The following SERPING1 variants were observed in gnomAD, a reference collection of about 807,000 sequenced individuals.
SERPING1 encodes serpin family G member 1.
A neutral mutation model predicts 34.1 loss-of-function variants in SERPING1; 5 were observed. The ratio of observed to expected loss-of-function variants is 0.15; its 90% CI spans 0.08 to 0.31. The LOEUF (loss-of-function observed/expected upper bound fraction) is 0.31. SERPING1 is among the 10% of genes least tolerant of loss of function. SERPING1 has a pLI of 1.00. For missense variants in SERPING1, 505 were observed against 609.5 expected (o/e 0.83, Z 1.81); for synonymous variants, 225 against 242.4 (o/e 0.93, Z 0.67).
At chr11:57,602,592 TA>T (rs1246422202) in intron 4 of SERPING1, among the ~76,000 whole-genome samples, 71 of 151,080 alleles carry the variant, frequency 4.7e-4, no homozygotes, top group African/African-American at 1.6e-3. Context: ...CTGTCTCTAC[TA>T]AAAATACAAA....
At chr11:57,613,599 T>C (rs531571658) in intron 7 of SERPING1, among the ~76,000 whole-genome samples, 109 of 152,322 alleles carry the variant, frequency 7.2e-4, no homozygotes, top group Non-Finnish European at 1.4e-3. Flanking sequence ...GCATCTATCC[T>C]GTGGAGTTCT....
chr11:57,601,819 G>A (rs1015543679), intron 3 of SERPING1, among the ~76,000 whole-genome samples: 14 of 131,150 alleles, frequency 1.1e-4, no homozygotes, highest in Non-Finnish European at 2.0e-4. Flanking sequence ...TTGCACCACT[G>A]CATTCCAGCC....
intron 6 of SERPING1, chr11:57,611,383 A>C: frequency 2.5e-6 from 1 of 395,924 alleles, no homozygotes; most frequent in Non-Finnish European, 4.8e-6. Flanking sequence ...TGTGCATGCT[A>C]TATACTATAT....
Position 57,606,171 on chromosome 11 carries a change from T to C in SERPING1, c.847T>C (p.Ser283Pro). 2.5e-6 allele frequency: 4 copies of C among 1,614,162 alleles called. 1 individual carries two copies. In the South Asian group the frequency reaches 4.4e-5, roughly 18 times the overall value. Reference sequence around the variant, plus strand: ...CAGCCGGCTGCTAGACAGTCTGCCCTCCGATACCCGCCTTGTCCTCCTCAA... The same window carrying C: ...CAGCCGGCTGCTAGACAGTCTGCCCCCCGATACCCGCCTTGTCCTCCTCAA... ...KISRLLDSLP[S>P]DTRLVLLNAI... Residue 283 changes from serine to proline, a missense_variant, in exon 5 of 8, where the codon TCC becomes CCC. Ser to Pro is a moderately conservative substitution (Grantham distance 74, BLOSUM62 -1). Coordinates refer to ENST00000278407, the MANE Select transcript of SERPING1 (RefSeq NM_000062.3).
In SERPING1 at chr11:57,600,376, C is replaced by G. The variant is rs754842752; in HGVS notation, c.549C>G (p.Leu183=). Reference sequence around the variant, plus strand: ...CCAGCCTCCTTACCCAGGTCCTGCTCGGTAAGACCCTGCTTGAATTCTCTC... The same window carrying G: ...CCAGCCTCCTTACCCAGGTCCTGCTGGGTAAGACCCTGCTTGAATTCTCTC... ...SIASLLTQVL[L]GAGENTKTNL... Residue 183 remains leucine (L), a splice_region_variant and synonymous_variant, in exon 3 of 8, where the codon CTC becomes CTG. Transcript: ENST00000278407. 15 of 1,612,078 alleles carry G rather than the reference C, an allele frequency of 9.3e-6. No individual in the cohort carries two copies. The highest frequency in any genetic ancestry group is 1.2e-5 in the Non-Finnish European group (14 of 1,179,990).
intron 6 of SERPING1, among the ~76,000 whole-genome samples, chr11:57,608,531 G>C (rs1945438354): frequency 6.6e-6 from 1 of 152,124 alleles, no homozygotes; most frequent in Non-Finnish European, 1.5e-5. Flanking sequence ...TTTTTCTTTT[G>C]AGATAAAGTC....
intron 6 of SERPING1, among the ~76,000 whole-genome samples, chr11:57,608,460 G>A (rs2135320523): frequency 6.6e-6 from 1 of 152,124 alleles, no homozygotes; most frequent in East Asian, 1.9e-4. Context: ...TACAAAGCAG[G>A]TATAATATGA....
At chr11:57,608,835 G>A (rs1945443001) in intron 6 of SERPING1, among the ~76,000 whole-genome samples, 1 of 145,524 alleles carries the variant, frequency 6.9e-6, no homozygotes, top group South Asian at 2.3e-4. Context: ...TTTTTTTTAA[G>A]CCAAAGGAGG....
chr11:57,611,314 G>A (rs1474793150), intron 6 of SERPING1: 1 of 273,170 alleles, frequency 3.7e-6, no homozygotes, highest in East Asian at 8.6e-5. Context: ...ATTCTCATAG[G>A]CAGTGAAGAG....
chr11:57,614,684 CTCA>C lies in SERPING1; in HGVS notation c.*104_*106del, dbSNP rs1945519996. 5.1e-6 allele frequency: 7 copies of C among 1,382,546 alleles called. No homozygotes were observed. The highest frequency in any genetic ancestry group is 6.9e-6 in the Non-Finnish European group (7 of 1,013,016). The allele number at this position is 1,382,546 out of a possible 1,614,324, so 85.6% of individuals were successfully genotyped here. ...GGACTTGGCCCCTGCCACCTCCTGC[CTCA>C]GGTGTCCGCTATCCACCAAAAGGGC... On this transcript the variant is annotated 3_prime_UTR_variant, in exon 8 of 8. Coordinates refer to ENST00000278407, the MANE Select transcript of SERPING1 (RefSeq NM_000062.3).
intron 4 of SERPING1, 37 bp downstream of exon 4, chr11:57,602,206 G>T: frequency 6.2e-7 from 1 of 1,613,150 alleles, no homozygotes; most frequent in Non-Finnish European, 8.5e-7. Flanking sequence ...TGCAGAGGAG[G>T]GTCCTGAGAG....
intron 1 of SERPING1, 83 bp from the exon 2 acceptor site, chr11:57,598,166 G>A: frequency 9.4e-7 from 1 of 1,062,564 alleles, no homozygotes; most frequent in Non-Finnish European, 1.4e-6. Flanking sequence ...GGCCTGAGAC[G>A]GAATGGGGGC....
In SERPING1 at chr11:57,608,361, C is replaced by G. The variant is rs188105734; in HGVS notation, c.1029+1814C>G. ...AAACCAAAAATCATTGTAAAAATCC[C>G]TTGGGAGTAGACTGTTGAAACCATT... On this transcript the variant is annotated intron_variant, in intron 6 of 7. Coordinates refer to ENST00000278407, the MANE Select transcript of SERPING1 (RefSeq NM_000062.3). 3.2e-3 allele frequency among the ~76,000 whole-genome samples: 493 copies of G among 152,214 alleles called. 2 individuals are homozygous for G. The highest frequency in any genetic ancestry group is 6.0e-3 in the Non-Finnish European group (407 of 68,004).
chr11:57,601,665 C>G (rs1441357470), intron 3 of SERPING1, among the ~76,000 whole-genome samples: 1 of 151,854 alleles, frequency 6.6e-6, no homozygotes, highest in Non-Finnish European at 1.5e-5. Context: ...GAGTTCAAGA[C>G]CAGCCTGGCC....
intron 4 of SERPING1, 92 bp from the exon 5 acceptor site, chr11:57,605,918 G>C (rs2135317412): frequency 8.5e-7 from 1 of 1,179,366 alleles, no homozygotes; most frequent in East Asian, 2.3e-5. Context: ...TGAGCAGATA[G>C]AACCATAGAA....
intron 6 of SERPING1, among the ~76,000 whole-genome samples, chr11:57,607,601 A>G (rs534608772): frequency 6.6e-6 from 1 of 152,338 alleles, no homozygotes; most frequent in South Asian, 2.1e-4. Context: ...GAATAAATGA[A>G]TGAATGAAAT....
chr11:57,609,286 A>G (rs952235368), intron 6 of SERPING1, among the ~76,000 whole-genome samples: 3 of 150,664 alleles, frequency 2.0e-5, no homozygotes, highest in African/African-American at 7.4e-5. Context: ...TCAAAACACA[A>G]AAAAAGAATA....
Position 57,611,640 on chromosome 11 carries a change from A to G in SERPING1, c.1030-77A>G, listed in dbSNP as rs1289829225. On this transcript the variant is annotated intron_variant, in intron 6 of 7. Transcript: ENST00000278407. ...ACAGACTGTGGGAGCAGACTGCAGG[A>G]CAGCATTGTGACAGAGGGTGGGGCC... The G allele has an allele frequency of 3.8e-6, 5 of 1,319,896 alleles. No individual in the cohort carries two copies. In the Admixed American group the frequency reaches 8.4e-5, roughly 22 times the overall value. The allele number at this position is 1,319,896 out of a possible 1,614,324, so 81.8% of individuals were successfully genotyped here. A position where few individuals can be genotyped will look rare whatever the true frequency, so the allele number is the denominator to read the frequency against.
chr11:57,612,150 T>C (rs1945484586), intron 7 of SERPING1, among the ~76,000 whole-genome samples: 1 of 152,204 alleles, frequency 6.6e-6, no homozygotes, highest in African/African-American at 2.4e-5. Context: ...AGAGATTCCA[T>C]GATTTACCCT....
Sources: gnomAD v4.1 joint callset for allele counts (sites outside exome capture counted in the v4.1 genomes callset) on GRCh38, gnomAD v4.1.1 for gene constraint, MANE v1.5 for transcripts, NCBI Gene and HGNC (gene_info 2026-07-23, HGNC 2026-07-21) for gene names.